The following PRDM11 variants were observed in gnomAD, a reference collection of about 807,000 sequenced individuals.
PRDM11 encodes PR/SET domain 11, also known as PR domain-containing protein 11.
In PRDM11, 20 loss-of-function variants were observed where a neutral mutation model predicts 97.8. The observed-to-expected ratio is 0.20, with a 90% CI of 0.14 to 0.30. The LOEUF is 0.30. PRDM11 is among the 10% of genes least tolerant of loss of function. The pLI is 1.00. For synonymous variants in PRDM11, 599 were observed against 637.7 expected, an observed-to-expected ratio of 0.94 and a Z score of 0.91; for missense variants, 1,139 against 1,555.2, an observed-to-expected ratio of 0.73 and a Z score of 4.50.
rs1332672152 is a variant in PRDM11, at chr11:45,183,229, A to G, written c.486+106A>G. ...AGCTTGGCCCCAGAACTTTTCTACC[A>G]TCGCTTCTGGACCTGTCGATGATGG... On this transcript the variant is annotated intron_variant, in intron 4 of 7. Coordinates refer to ENST00000683152, the MANE Select transcript of PRDM11 (RefSeq NM_001384648.1). 27 of 1,386,742 alleles carry G rather than the reference A, an allele frequency of 1.9e-5. No individual in the cohort carries two copies. The East Asian group carries it at 6.2e-4, about 32-fold the overall frequency. 85.9% of individuals were successfully genotyped at this position (1,386,742 alleles called of 1,614,324 possible).
chr11:45,142,629 C>T (rs1851429449), upstream of PRDM11, among the ~76,000 whole-genome samples: 1 of 152,174 alleles, frequency 6.6e-6, no homozygotes, highest in Non-Finnish European at 1.5e-5. Context: ...AGGAGCAAGG[C>T]AAGCTGCTTG....
In PRDM11 at chr11:45,099,450, T is replaced by TAAAAAAAA. The variant is rs532403075; in HGVS notation, c.96+3567_96+3574dup. 3.7e-3 allele frequency among the ~76,000 whole-genome samples: 355 copies of TAAAAAAAA among 95,196 alleles called. 5 individuals carry two copies. The highest frequency in any genetic ancestry group is 0.014 in the African/African-American group (340 of 24,372). The allele number at this position is 95,196 out of a possible 152,430, so 62.5% of individuals were successfully genotyped here. ...TGGGTAACAGAGTGAGACTCCATCT[T>TAAAAAAAA]AAAAAAAAAAAAAAAAAAAAAAAAA... On this transcript the variant is annotated intron_variant, in intron 1 of 6. Coordinates refer to the PRDM11 transcript ENST00000530656.
rs1476341748 is a variant in PRDM11, at chr11:45,219,095, AC to A, written c.555-473del. ...GCATTTATTAATTGATCTCTTGGAC[AC>A]CTTGTCACAGGGGCTATTTCAGCAA... is the stretch of plus-strand genomic sequence containing the variant. On this transcript the variant is annotated intron_variant, in intron 5 of 7. Coordinates refer to ENST00000683152, the MANE Select transcript of PRDM11 (RefSeq NM_001384648.1). The surrounding 1 kb of genome is among the most constrained non-coding windows in gnomAD (Gnocchi z 4.2). 6.6e-6 allele frequency among the ~76,000 whole-genome samples: 1 copy of A among 152,146 alleles called. No individual in the cohort carries two copies. Among genetic ancestry groups the A allele is most frequent in the Non-Finnish European group, 1.5e-5 (1 of 68,022 alleles).
At chr11:45,211,172 C>T (rs758067967) in intron 5 of PRDM11, among the ~76,000 whole-genome samples, 18 of 152,294 alleles carry the variant, frequency 1.2e-4, no homozygotes, top group Non-Finnish European at 2.1e-4. Flanking sequence ...CAACACTGGC[C>T]ATGCTAGACA....
chr11:45,162,943 C>T (rs964777931), intron 1 of PRDM11, among the ~76,000 whole-genome samples: 8 of 152,226 alleles, frequency 5.3e-5, no homozygotes, highest in African/African-American at 1.7e-4. Context: ...TCCTTCAGCA[C>T]TGATGGGGAG....
At chr11:45,098,875 G>A (rs564695214) in intron 1 of PRDM11, among the ~76,000 whole-genome samples, 1 of 152,308 alleles carries the variant, frequency 6.6e-6, no homozygotes, top group Admixed American at 6.5e-5. Context: ...ACCCCCAAGG[G>A]TGGGCTCCTG....
At chr11:45,143,031 T>C (rs747479560), upstream of PRDM11, among the ~76,000 whole-genome samples, 2 of 152,212 alleles carry the variant, frequency 1.3e-5, no homozygotes, top group Non-Finnish European at 2.9e-5. Flanking sequence ...CTGAGCTTCC[T>C]GGCAACCCGT....
intron 1 of PRDM11, among the ~76,000 whole-genome samples, chr11:45,099,694 T>G (rs2135593825): frequency 6.6e-6 from 1 of 152,288 alleles, no homozygotes; most frequent in South Asian, 2.1e-4. Flanking sequence ...CCCTCAAGCA[T>G]TTATTCTTTG....
At chr11:45,167,590 G>A (rs1239602328) in intron 1 of PRDM11, among the ~76,000 whole-genome samples, 1 of 152,156 alleles carries the variant, frequency 6.6e-6, no homozygotes, top group African/African-American at 2.4e-5. Context: ...GGAGTGAGCA[G>A]TTGCACAGTG....
chr11:45,131,555 A>G (rs1852720023), intron 1 of PRDM11, among the ~76,000 whole-genome samples: 1 of 152,216 alleles, frequency 6.6e-6, no homozygotes, highest in Non-Finnish European at 1.5e-5. Context: ...ATATGCAAAG[A>G]TTTGTGCAGG....
chr11:45,143,946 G>A (rs1403026285), upstream of PRDM11, among the ~76,000 whole-genome samples: 1 of 152,122 alleles, frequency 6.6e-6, no homozygotes, highest in Non-Finnish European at 1.5e-5. Context: ...GGAAACTGAG[G>A]CACTGCCTCA....
chr11:45,213,767 A>G (rs906169604), intron 5 of PRDM11: 1 of 456,062 alleles, frequency 2.2e-6, no homozygotes, highest in Non-Finnish European at 4.4e-6. Flanking sequence ...TATCATCATC[A>G]TCTGTATAAG....
chr11:45,106,584 C>T (rs1852064930), intron 1 of PRDM11, among the ~76,000 whole-genome samples: 1 of 152,166 alleles, frequency 6.6e-6, no homozygotes, highest in Non-Finnish European at 1.5e-5. Context: ...CCCATAATGC[C>T]TGAGGCGCCG....
At chr11:45,217,506 A>G (rs1313741568) in intron 5 of PRDM11, among the ~76,000 whole-genome samples, 1 of 152,200 alleles carries the variant, frequency 6.6e-6, no homozygotes, top group Non-Finnish European at 1.5e-5. Flanking sequence ...CAAGTTCTAC[A>G]CCTCCATGGT....
intron 6 of PRDM11, among the ~76,000 whole-genome samples, chr11:45,221,779 G>T (rs958336928): frequency 6.6e-6 from 1 of 152,144 alleles, no homozygotes; most frequent in Non-Finnish European, 1.5e-5. Flanking sequence ...GTCACAGTGG[G>T]GCAGTTTCAC....
chr11:45,137,420 A>G (rs1344528752), intron 1 of PRDM11, among the ~76,000 whole-genome samples: 1 of 149,562 alleles, frequency 6.7e-6, no homozygotes, highest in African/African-American at 2.5e-5. Flanking sequence ...GTGACAAGAG[A>G]CTCCGTCTCA....
At chr11:45,159,186 T>G (rs1159355599) in intron 1 of PRDM11, among the ~76,000 whole-genome samples, 1 of 152,186 alleles carries the variant, frequency 6.6e-6, no homozygotes, top group Non-Finnish European at 1.5e-5. Flanking sequence ...GCCAAGAAAG[T>G]CTCCTCTGCC....
At chr11:45,103,421 A>G (rs1403336081) in intron 1 of PRDM11, among the ~76,000 whole-genome samples, 1 of 152,182 alleles carries the variant, frequency 6.6e-6, no homozygotes, top group Non-Finnish European at 1.5e-5. Context: ...TATAGCCTAT[A>G]TGGATCACCA....
At chr11:45,157,388 T>C (rs1426966873) in intron 1 of PRDM11, among the ~76,000 whole-genome samples, 2 of 152,208 alleles carry the variant, frequency 1.3e-5, no homozygotes, top group East Asian at 3.9e-4. Flanking sequence ...CCTATGATAA[T>C]CTAGTGCTGC....
Sources: gnomAD v4.1 joint callset for allele counts (sites outside exome capture counted in the v4.1 genomes callset) on GRCh38, gnomAD v4.1.1 for gene constraint, Gnocchi (gnomAD v3.1) non-coding constraint, MANE v1.5 for transcripts, NCBI Gene and HGNC (gene_info 2026-07-23, HGNC 2026-07-21) for gene names.